The following TP63 variants were observed in gnomAD, a reference collection of about 807,000 sequenced individuals.
TP63 encodes the protein tumor protein 63.
Under a neutral mutation model 82.8 loss-of-function variants are expected in TP63, and 17 were observed. That is an observed-to-expected ratio of 0.21 (90% confidence interval 0.14 to 0.31). TP63 has a LOEUF of 0.31. Among genes scored for constraint, TP63 ranks in the 10% least tolerant of loss-of-function variants. TP63 has a pLI of 1.00. For synonymous variants in TP63, 330 were observed against 321.7 expected (o/e 1.03, Z -0.28); for missense variants, 648 against 895.3 (o/e 0.72, Z 3.52).
intron 1 of TP63, among the ~76,000 whole-genome samples, chr3:189,677,392 ATG>A (rs202086883): frequency 9.1e-5 from 9 of 99,300 alleles, no homozygotes; most frequent in East Asian, 2.9e-4. Flanking sequence ...ATATATAAAT[ATG>A]TGTGTATATA....
intron 4 of TP63, among the ~76,000 whole-genome samples, chr3:189,835,830 C>T (rs1200840327): frequency 1.3e-5 from 2 of 151,906 alleles, no homozygotes; most frequent in African/African-American, 4.8e-5. Flanking sequence ...AGGAGAATCA[C>T]TTGAACTCAG....
At chr3:189,836,026 A>G (rs75436877) in intron 4 of TP63, among the ~76,000 whole-genome samples, 4,621 of 151,898 alleles carry the variant, frequency 0.03, 99 homozygotes, top group Middle Eastern at 0.044. Context: ...CAATGGGTCT[A>G]TCTTTGAAGC....
intron 4 of TP63, among the ~76,000 whole-genome samples, chr3:189,841,848 C>G (rs565528191): frequency 6.6e-6 from 1 of 152,224 alleles, no homozygotes; most frequent in East Asian, 1.9e-4. Context: ...GGTCAGCTAC[C>G]AGGGAAGGAC....
chr3:189,674,323 A>G (rs997203065), intron 1 of TP63, among the ~76,000 whole-genome samples: 1 of 152,100 alleles, frequency 6.6e-6, no homozygotes, highest in Non-Finnish European at 1.5e-5. Context: ...CACAGTCGTC[A>G]TTCTTGTTTG....
At chr3:189,833,852 A>G (rs1482028123) in intron 4 of TP63, among the ~76,000 whole-genome samples, 1 of 152,208 alleles carries the variant, frequency 6.6e-6, no homozygotes, top group Non-Finnish European at 1.5e-5. Context: ...GTTAAAAACG[A>G]TTATTATTTT....
chr3:189,868,829 G>A (rs1718056068), intron 8 of TP63, 113 bp downstream of exon 8: 1 of 1,555,896 alleles, frequency 6.4e-7, no homozygotes. Flanking sequence ...AGCAGCAAGT[G>A]GGACGTCAGC....
chr3:189,783,822 A>G (rs1346269490), intron 3 of TP63, among the ~76,000 whole-genome samples: 1 of 151,934 alleles, frequency 6.6e-6, no homozygotes, highest in African/African-American at 2.4e-5. Flanking sequence ...TCAGTGCTGT[A>G]GTAGTTAGCC....
At chr3:189,656,179 A>G (rs185659358) in intron 1 of TP63, among the ~76,000 whole-genome samples, 1 of 152,344 alleles carries the variant, frequency 6.6e-6, no homozygotes, top group Admixed American at 6.5e-5. Context: ...ATTAAAGTGT[A>G]TAGCAGGGTG....
chr3:189,807,889 G>A (rs752429021), intron 3 of TP63, among the ~76,000 whole-genome samples: 11 of 152,184 alleles, frequency 7.2e-5, no homozygotes, highest in Non-Finnish European at 1.3e-4. Context: ...TGTGTAACAC[G>A]CCCCAACCCC....
chr3:189,608,574 GT>G, the TP63 span, among the ~76,000 whole-genome samples: 1 of 152,066 alleles, frequency 6.6e-6, no homozygotes, highest in African/African-American at 2.4e-5. Flanking sequence ...TTCTTTGGCT[GT>G]TTTGTGAACT....
chr3:189,776,609 C>A (rs1723825099), intron 3 of TP63, among the ~76,000 whole-genome samples: 1 of 152,186 alleles, frequency 6.6e-6, no homozygotes, highest in South Asian at 2.1e-4. Context: ...AGCTAGGGAT[C>A]TGTTAGGAGC....
the TP63 span, among the ~76,000 whole-genome samples, chr3:189,607,813 T>C: frequency 6.6e-6 from 1 of 152,188 alleles, no homozygotes; most frequent in Non-Finnish European, 1.5e-5. Flanking sequence ...ATCACTTTAA[T>C]GTATTTATAT....
intron 1 of TP63, among the ~76,000 whole-genome samples, chr3:189,663,157 C>T (rs1577197818): frequency 6.6e-6 from 1 of 152,010 alleles, no homozygotes; most frequent in East Asian, 1.9e-4. Flanking sequence ...CTGTAGAGAC[C>T]TTGAAGATGG....
At chr3:189,704,653 C>T (rs1577272087) in intron 1 of TP63, among the ~76,000 whole-genome samples, 1 of 152,350 alleles carries the variant, frequency 6.6e-6, no homozygotes, top group Middle Eastern at 3.4e-3. Context: ...TTTATTTCCT[C>T]AGGGCCTAGC....
chr3:189,671,406 T>G (rs1714880553), intron 1 of TP63, among the ~76,000 whole-genome samples: 1 of 152,002 alleles, frequency 6.6e-6, no homozygotes, highest in Non-Finnish European at 1.5e-5. Flanking sequence ...GGTGAGGATG[T>G]GAAGGAAAGG....
the TP63 span, among the ~76,000 whole-genome samples, chr3:189,618,008 AC>A: frequency 5.3e-5 from 8 of 152,336 alleles, no homozygotes; most frequent in East Asian, 1.5e-3. Context: ...TACCCAATAT[AC>A]AGTTACTCAA....
At chr3:189,846,173 T>C (rs974265722) in intron 4 of TP63, among the ~76,000 whole-genome samples, 3 of 152,132 alleles carry the variant, frequency 2.0e-5, no homozygotes, top group African/African-American at 4.8e-5. Flanking sequence ...GAGCTGAATT[T>C]ACTTGTTTTC....
intron 1 of TP63, among the ~76,000 whole-genome samples, chr3:189,653,431 A>G (rs112132721): frequency 6.6e-6 from 1 of 152,208 alleles, no homozygotes; most frequent in Admixed American, 6.5e-5. Flanking sequence ...TGTCAATCAG[A>G]TCCAGTGTTT....
chr3:189,864,244 C>G lies in TP63; in HGVS notation c.592C>G (p.Leu198Val). 1 of 1,614,136 alleles carries G rather than the reference C, an allele frequency of 6.2e-7. No homozygotes were observed. The highest frequency in any genetic ancestry group is 8.5e-7 in the Non-Finnish European group (1 of 1,180,014). Residue 198 changes from leucine (L) to valine (V), a missense_variant, in exon 5 of 14, where the codon CTG becomes GTG. By Grantham distance (32) the Leu-to-Val change is conservative. Coordinates refer to ENST00000264731, the MANE Select transcript of TP63 (RefSeq NM_003722.5). ...CAACTCTAAGCAGTATTCCACTGAA[C>G]TGAAGAAACTCTACTGCCAAATTGC... ...KSATWTYSTE[L>V]KKLYCQIAKT...
Sources: allele counts gnomAD v4.1 joint callset (sites outside exome capture counted in the v4.1 genomes callset), GRCh38; gene constraint gnomAD v4.1.1; transcripts MANE v1.5; gene names NCBI Gene and HGNC (gene_info 2026-07-23, HGNC 2026-07-21).